Variants in ATRX observed in about 807,000 individuals in gnomAD.
The protein encoded by ATRX is chromatin remodeler ATRX.
In ATRX, 12 loss-of-function variants were observed where a neutral mutation model predicts 172.6. The ratio of observed to expected loss-of-function variants is 0.07; its 90% confidence interval spans 0.04 to 0.11. ATRX has a LOEUF of 0.11. Among genes scored for constraint, ATRX ranks in the 10% least tolerant of loss-of-function variants. The pLI is 1.00. For synonymous variants in ATRX, 674 were observed against 594.7 expected, an observed-to-expected ratio of 1.13 and a Z score of -1.94; for missense variants, 1,368 against 1,767.4, an observed-to-expected ratio of 0.77 and a Z score of 4.05.
In ATRX at chrX:77,599,645, T is replaced by C. The variant is rs1262844453; in HGVS notation, c.5787-65A>G. On this transcript the variant is annotated intron_variant, in intron 24 of 34. Transcript: ENST00000373344. ...GATTGTTAGAAAAGCATAGGAAAGA[T>C]GTAAACGTCAATTATAAGAGGTCAA... 4.2e-6 allele frequency: 5 copies of C among 1,194,646 alleles called. No individual in the cohort carries two copies. In the African/African-American group the frequency reaches 7.1e-5, roughly 17 times the overall value.
At chrX:77,753,954 T>G (rs1284217256) in intron 1 of ATRX, among the ~76,000 whole-genome samples, 1 of 111,890 alleles carries the variant, frequency 8.9e-6, no homozygotes, top group African/African-American at 3.3e-5. Context: ...AGTCTCCCAC[T>G]ATTATTGTGT....
At chrX:77,644,537 C>G (rs1003546433) in intron 15 of ATRX, among the ~76,000 whole-genome samples, 22 of 110,890 alleles carry the variant, frequency 2.0e-4, no homozygotes, top group Admixed American at 1.1e-3. Context: ...ACCTATGTAA[C>G]AAACCTGCAC....
At position 77,506,370 on chromosome X, in the gene ATRX, T is replaced by A; in HGVS notation, c.*1981A>T. The A allele has an allele frequency of 5.7e-6, 1 of 173,920 alleles. No individual in the cohort carries two copies. The highest frequency in any genetic ancestry group is 1.1e-5 in the Non-Finnish European group (1 of 90,422). The allele number at this position is 173,920 out of a possible 1,213,427, so 14.3% of individuals were successfully genotyped here. On this transcript the variant is annotated 3_prime_UTR_variant, in exon 35 of 35. Transcript: ENST00000373344. ...TTCCAATTAACCCTTCTAAGTATTATTCTTTAAGTTATAGTTTCATCCATG... is the reference window on the plus strand; with the variant it reads ...TTCCAATTAACCCTTCTAAGTATTAATCTTTAAGTTATAGTTTCATCCATG...
chrX:77,658,875 T>C (rs2069700787), intron 12 of ATRX, among the ~76,000 whole-genome samples: 1 of 111,988 alleles, frequency 8.9e-6, no homozygotes, highest in Non-Finnish European at 1.9e-5. Flanking sequence ...AACTCTGCAC[T>C]ATTTGTGTAA....
intron 27 of ATRX, among the ~76,000 whole-genome samples, chrX:77,575,957 C>G (rs1250748181): frequency 1.8e-5 from 2 of 111,647 alleles, no homozygotes; most frequent in African/African-American, 6.5e-5. Context: ...TGTTCCTCTT[C>G]TACACCATGA....
intron 19 of ATRX, among the ~76,000 whole-genome samples, chrX:77,632,210 A>C (rs782574774): frequency 1.0e-5 from 1 of 96,817 alleles, no homozygotes; most frequent in African/African-American, 3.8e-5. Context: ...TGGCAATGAC[A>C]AATGTTACCC....
intron 2 of ATRX, among the ~76,000 whole-genome samples, chrX:77,711,344 A>G (rs1013462064): frequency 1.8e-5 from 2 of 112,214 alleles, no homozygotes; most frequent in Non-Finnish European, 3.8e-5. Flanking sequence ...AAAATACAGA[A>G]AATCCTAGCT....
At chrX:77,762,271 C>T (rs1603320180) in intron 1 of ATRX, among the ~76,000 whole-genome samples, 1 of 97,187 alleles carries the variant, frequency 1.0e-5, no homozygotes, top group Admixed American at 1.2e-4. Context: ...CGCCACTGCA[C>T]TCCAGCCTGG....
intron 28 of ATRX, among the ~76,000 whole-genome samples, chrX:77,568,160 A>T (rs1400666962): frequency 1.9e-5 from 2 of 102,576 alleles, no homozygotes; most frequent in Non-Finnish European, 4.0e-5. Flanking sequence ...TTAAAATAGG[A>T]AAAAAAAAAA....
chrX:77,682,559 C>T lies in ATRX; in HGVS notation c.2697G>A (p.Thr899=), dbSNP rs137974888. Reference sequence around the variant, plus strand: ...GTCGATCTCTTAATTCCATGATGGTCGTGTCTTTATCAACTGTGCCTTCTG... The same window carrying T: ...GTCGATCTCTTAATTCCATGATGGTTGTGTCTTTATCAACTGTGCCTTCTG... The part of the protein sequence containing the change: ...SSAEGTVDKD[T]TIMELRDRLP... The change falls in exon 9 of 35, where the codon ACG becomes ACA. Residue 899 remains threonine, a synonymous_variant. Transcript: ENST00000373344. 52 of 1,209,402 alleles carry T rather than the reference C, an allele frequency of 4.3e-5. No homozygotes were observed. The highest frequency in any genetic ancestry group is 1.8e-4 in the East Asian group (6 of 33,756).
intron 28 of ATRX, among the ~76,000 whole-genome samples, chrX:77,573,393 T>C (rs998918369): frequency 1.8e-5 from 2 of 111,773 alleles, no homozygotes; most frequent in African/African-American, 3.2e-5. Flanking sequence ...TTTCTCAGAA[T>C]GTATACTGGT....
chrX:77,684,947 T>C lies in ATRX; in HGVS notation c.654A>G (p.Glu218=), dbSNP rs782378258. ...TCATCTATATTACCTACCTACATTG[T>C]TCATCCATTCCATCTGAGTCACGGC... The part of the protein sequence containing the change: ...DISRDSDGMD[E]QCRWCAEGGN... Residue 218 remains glutamate, a synonymous_variant, in exon 8 of 35, where the codon GAA becomes GAG. Coordinates refer to ENST00000373344, the MANE Select transcript of ATRX (RefSeq NM_000489.6). 94 of 1,199,656 alleles carry C rather than the reference T, an allele frequency of 7.8e-5. No homozygotes were observed. The South Asian group carries it at 1.6e-3, about 21-fold the overall frequency.
intron 26 of ATRX, among the ~76,000 whole-genome samples, chrX:77,590,891 T>G (rs2066225588): frequency 8.9e-6 from 1 of 112,102 alleles, no homozygotes; most frequent in South Asian, 3.6e-4. Flanking sequence ...GTTTTAAAAG[T>G]TGATAAATTA....
intron 27 of ATRX, among the ~76,000 whole-genome samples, chrX:77,586,969 C>T (rs1337007675): frequency 2.7e-5 from 3 of 109,434 alleles, no homozygotes; most frequent in African/African-American, 6.7e-5. Context: ...GCACAAGAAT[C>T]GCTTGAACCC....
At chrX:77,685,487 G>A (rs969919665) in intron 7 of ATRX, among the ~76,000 whole-genome samples, 1 of 111,967 alleles carries the variant, frequency 8.9e-6, no homozygotes, top group Non-Finnish European at 1.9e-5. Context: ...ACTATAATAA[G>A]ATATCATCTC....
intron 1 of ATRX, among the ~76,000 whole-genome samples, chrX:77,748,690 G>T (rs1173311404): frequency 9.2e-6 from 1 of 108,924 alleles, no homozygotes; most frequent in Non-Finnish European, 1.9e-5. Context: ...GGGTTCAAGT[G>T]ATTTTCCCGC....
chrX:77,515,956 T>C (rs1232082630), intron 34 of ATRX, among the ~76,000 whole-genome samples: 2 of 111,753 alleles, frequency 1.8e-5, no homozygotes, highest in African/African-American at 3.3e-5. Context: ...CCATTATCCT[T>C]AGCAAACTAA....
Position 77,633,602 on chromosome X carries a change from C to T in ATRX, c.4920G>A (p.Lys1640=), listed in dbSNP as rs1557106687. The T allele has an allele frequency of 8.3e-7, 1 of 1,210,177 alleles. No individual in the cohort carries two copies. Among genetic ancestry groups the T allele is most frequent in the Non-Finnish European group, 1.1e-6 (1 of 894,443 alleles). Reference sequence around the variant, plus strand: ...CATCATCTTTTAATCCCTCTTGCCACTTCTCAAATTCATTCATCCAATTCA... The same window carrying T: ...CATCATCTTTTAATCCCTCTTGCCATTTCTCAAATTCATTCATCCAATTCA... The part of the protein sequence containing the change: ...TALNWMNEFE[K]WQEGLKDDEK... The change falls in exon 18 of 35, where the codon AAG becomes AAA. Residue 1640 remains lysine, a synonymous_variant. Coordinates refer to ENST00000373344, the MANE Select transcript of ATRX (RefSeq NM_000489.6).
At chrX:77,569,923 G>C (rs1026882997) in intron 28 of ATRX, among the ~76,000 whole-genome samples, 1 of 111,862 alleles carries the variant, frequency 8.9e-6, no homozygotes, top group Non-Finnish European at 1.9e-5. Context: ...GTCTAGACAA[G>C]ATTATTCTAA....
Sources: gnomAD v4.1 joint callset for allele counts (sites outside exome capture counted in the v4.1 genomes callset) on GRCh38, gnomAD v4.1.1 for gene constraint, MANE v1.5 for transcripts, NCBI Gene and HGNC (gene_info 2026-07-23, HGNC 2026-07-21) for gene names.